The following MCHR2 variants were observed in gnomAD, a reference collection of about 807,000 sequenced individuals.
MCHR2 encodes the protein melanin concentrating hormone receptor 2.
In MCHR2, 15 loss-of-function variants were observed where a neutral mutation model predicts 24.8. That is an observed-to-expected ratio of 0.60 (90% CI 0.40 to 0.93). The LOEUF (loss-of-function observed/expected upper bound fraction) is 0.93. Among genes scored for constraint, MCHR2 ranks in the 40% least tolerant of loss-of-function variants. The pLI, the probability that MCHR2 is intolerant of heterozygous loss-of-function variation, is 0.00. For missense variants in MCHR2, 386 were observed against 408.7 expected, an observed-to-expected ratio of 0.94 and a Z score of 0.48; for synonymous variants, 151 against 147.6, an observed-to-expected ratio of 1.02 and a Z score of -0.17.
intron 2 of MCHR2, 68 bp from the exon 3 acceptor site, chr6:99,948,039 C>G: frequency 7.4e-7 from 1 of 1,355,130 alleles, no homozygotes; most frequent in Non-Finnish European, 1.0e-6. Flanking sequence ...TATGCTACCT[C>G]ATACAAATTT....
intron 1 of MCHR2, among the ~76,000 whole-genome samples, chr6:99,976,598 C>T (rs1019123366): frequency 6.6e-6 from 1 of 152,164 alleles, no homozygotes; most frequent in African/African-American, 2.4e-5. Flanking sequence ...TGCCAGCTAG[C>T]CACATCTGTC....
intron 1 of MCHR2, among the ~76,000 whole-genome samples, chr6:99,968,882 C>T (rs1178454096): frequency 6.6e-6 from 1 of 151,882 alleles, no homozygotes; most frequent in Non-Finnish European, 1.5e-5. Flanking sequence ...AATCTATGGG[C>T]CAGATAAGTC....
At chr6:99,932,609 G>A (rs1774570258) in intron 5 of MCHR2, among the ~76,000 whole-genome samples, 1 of 152,022 alleles carries the variant, frequency 6.6e-6, no homozygotes, top group African/African-American at 2.4e-5. Flanking sequence ...GTGATGAGAA[G>A]AGTTGATTTT....
At chr6:99,978,378 C>T (rs949660963) in intron 1 of MCHR2, among the ~76,000 whole-genome samples, 4 of 150,578 alleles carry the variant, frequency 2.7e-5, no homozygotes, top group African/African-American at 9.8e-5. Flanking sequence ...CTACACTTGC[C>T]CATCTTACAG....
intron 1 of MCHR2, among the ~76,000 whole-genome samples, chr6:99,985,428 A>T (rs9496095): frequency 1.3e-5 from 2 of 151,920 alleles, no homozygotes; most frequent in African/African-American, 4.8e-5. Context: ...ACTTCAAATT[A>T]TACTATGGCT....
chr6:99,934,526 TGAGAGAGAGAAGA>T lies in MCHR2; in HGVS notation c.588-22_588-10del, dbSNP rs752543148. 7.1e-6 allele frequency: 11 copies of T among 1,559,056 alleles called. No individual in the cohort carries two copies. In the South Asian group the frequency reaches 8.6e-5, roughly 12 times the overall value. On this transcript the variant is annotated splice_polypyrimidine_tract_variant and intron_variant, in intron 4 of 5. Coordinates refer to ENST00000281806, the MANE Select transcript of MCHR2 (RefSeq NM_001040179.2). ...TCAAATAAAGTGTATACCTGTAAAATGAGAGAGAGAAGAGAGAGAGAGAAAGAACAACACCATT... is the reference window on the plus strand; with the variant it reads ...TCAAATAAAGTGTATACCTGTAAAATGAGAGAGAGAAAGAACAACACCATT...
At chr6:99,929,852 T>C (rs565470574) in intron 5 of MCHR2, among the ~76,000 whole-genome samples, 5,046 of 149,596 alleles carry the variant, frequency 0.034, 248 homozygotes, top group East Asian at 0.12. Flanking sequence ...AAAGTTAATA[T>C]TGTTATGTGT....
At chr6:99,935,220 C>T (rs964397477) in intron 4 of MCHR2, among the ~76,000 whole-genome samples, 1 of 151,994 alleles carries the variant, frequency 6.6e-6, no homozygotes, top group Non-Finnish European at 1.5e-5. Flanking sequence ...TAGAAACATT[C>T]AAATTATTCT....
chr6:99,921,290 AC>A lies in MCHR2; in HGVS notation c.708-36del, dbSNP rs1479679372. The A allele has an allele frequency of 8.8e-6, 14 of 1,583,970 alleles. No individual in the cohort carries two copies. The Admixed American group carries it at 1.5e-4, about 17-fold the overall frequency. The stretch of plus-strand genomic sequence containing the variant: ...AAACATTCAGATAGACAGGGTATAA[AC>A]AACCATAGAAATTATGGGGCAATGT... On this transcript the variant is annotated intron_variant, in intron 5 of 5. Coordinates refer to ENST00000281806, the MANE Select transcript of MCHR2 (RefSeq NM_001040179.2).
At chr6:99,958,636 C>T (rs1250033165) in intron 1 of MCHR2, among the ~76,000 whole-genome samples, 12 of 152,278 alleles carry the variant, frequency 7.9e-5, no homozygotes, top group Non-Finnish European at 1.3e-4. Context: ...AACAGCCATA[C>T]ATGGAACAAT....
rs2114478360 is a variant in MCHR2, at chr6:99,920,684, A to T, written c.*256T>A. The T allele has an allele frequency of 2.3e-6, 1 of 426,952 alleles. No homozygotes were observed. Among genetic ancestry groups the T allele is most frequent in the Non-Finnish European group, 4.3e-6 (1 of 233,796 alleles). 26.4% of individuals were successfully genotyped at this position (426,952 alleles called of 1,614,324 possible). ...TGACTAGTTTATAATATGCTGAAAT[A>T]ATATACACCATCATGAAGCCTGGGT... On this transcript the variant is annotated 3_prime_UTR_variant, in exon 6 of 6. Coordinates refer to ENST00000281806, the MANE Select transcript of MCHR2 (RefSeq NM_001040179.2).
chr6:99,955,820 A>C, intron 2 of MCHR2, 146 bp downstream of exon 2: 1 of 668,754 alleles, frequency 1.5e-6, no homozygotes, highest in Non-Finnish European at 2.3e-6. Context: ...TATCTGTAGA[A>C]TCTTCATTAA....
At chr6:99,960,022 A>C (rs893734407) in intron 1 of MCHR2, among the ~76,000 whole-genome samples, 2 of 152,080 alleles carry the variant, frequency 1.3e-5, no homozygotes, top group African/African-American at 4.8e-5. Context: ...CAGATTCAAG[A>C]AGACCAGCCT....
intron 1 of MCHR2, among the ~76,000 whole-genome samples, chr6:99,970,327 T>C (rs1206538652): frequency 6.6e-6 from 1 of 152,242 alleles, no homozygotes; most frequent in African/African-American, 2.4e-5. Context: ...TGAGCATTTT[T>C]TCATGTGTTT....
intron 1 of MCHR2, 147 bp from the exon 2 acceptor site, chr6:99,956,321 C>A: frequency 1.7e-6 from 1 of 575,642 alleles, no homozygotes; most frequent in Non-Finnish European, 3.0e-6. Context: ...TGATTGGTCC[C>A]TGTTCATAGT....
intron 1 of MCHR2, among the ~76,000 whole-genome samples, chr6:99,975,373 C>T (rs1180668046): frequency 6.6e-6 from 1 of 152,194 alleles, no homozygotes; most frequent in Non-Finnish European, 1.5e-5. Context: ...CCCTCTGAGC[C>T]AGGTGCAGGA....
intron 1 of MCHR2, among the ~76,000 whole-genome samples, chr6:99,979,443 G>T (rs978431502): frequency 1.3e-5 from 2 of 152,144 alleles, no homozygotes; most frequent in African/African-American, 4.8e-5. Flanking sequence ...CTGAGCACTT[G>T]CAATGTGGCT....
chr6:99,920,691 A>G lies in MCHR2; in HGVS notation c.*249T>C, dbSNP rs199673368. 6.6e-6 allele frequency: 3 copies of G among 453,906 alleles called. No homozygotes were observed. In the East Asian group the frequency reaches 1.2e-4, roughly 18 times the overall value. 28.1% of individuals were successfully genotyped at this position (453,906 alleles called of 1,614,324 possible). A position where few individuals can be genotyped will look rare whatever the true frequency, so the allele number is the denominator to read the frequency against. On this transcript the variant is annotated 3_prime_UTR_variant, in exon 6 of 6. Transcript: ENST00000281806. ...TTTATAATATGCTGAAATAATATAC[A>G]CCATCATGAAGCCTGGGTATCTCAG...
intron 5 of MCHR2, among the ~76,000 whole-genome samples, chr6:99,932,100 T>C (rs1246185518): frequency 1.3e-5 from 2 of 152,218 alleles, no homozygotes; most frequent in Non-Finnish European, 2.9e-5. Context: ...TCTTTATTTC[T>C]CCTTCATGTT....
Sources: allele counts gnomAD v4.1 joint callset (sites outside exome capture counted in the v4.1 genomes callset), GRCh38; gene constraint gnomAD v4.1.1; transcripts MANE v1.5; gene names NCBI Gene and HGNC (gene_info 2026-07-23, HGNC 2026-07-21).